EDA: variants seen among roughly 807,000 people sequenced by gnomAD.
EDA encodes ectodysplasin-A.
EDA carries 2 observed loss-of-function variants against 23.6 expected under a neutral mutation model. The observed-to-expected ratio is 0.08, with a 90% CI of 0.03 to 0.27. The LOEUF (loss-of-function observed/expected upper bound fraction) is 0.27, where lower values mean the gene tolerates loss of function less well. Among genes scored for constraint, EDA ranks in the 10% least tolerant of loss-of-function variants. EDA has a pLI of 1.00. For synonymous variants in EDA, 131 were observed against 132.0 expected, an observed-to-expected ratio of 0.99 and a Z score of 0.05; for missense variants, 229 against 324.2, an observed-to-expected ratio of 0.71 and a Z score of 2.26.
intron 1 of EDA, among the ~76,000 whole-genome samples, chrX:69,790,846 C>CTT (rs35288981): frequency 0.011 from 1,095 of 102,624 alleles, 8 homozygotes; most frequent in African/African-American, 9.9e-3. Flanking sequence ...TTCCTCATGG[C>CTT]TTTTTTTTTT....
chrX:69,833,490 T>A (rs2016677896), intron 1 of EDA, among the ~76,000 whole-genome samples: 1 of 97,656 alleles, frequency 1.0e-5, no homozygotes, highest in Admixed American at 1.1e-4. Flanking sequence ...GATATTGGTC[T>A]AAAATTCTCT....
chrX:69,736,010 G>GAA (rs11316346), intron 1 of EDA, among the ~76,000 whole-genome samples: 2 of 102,460 alleles, frequency 2.0e-5, no homozygotes, highest in Non-Finnish European at 4.0e-5. Flanking sequence ...ATCTGCAAGA[G>GAA]AAAAAAAAAA....
rs1156603526 is a variant in EDA, at chrX:69,947,472, C to T, written c.397-9555C>T. Among the ~76,000 whole-genome samples, 3 of 112,027 alleles carry T rather than the reference C, an allele frequency of 2.7e-5. No individual in the cohort carries two copies. In the Admixed American group the frequency reaches 2.8e-4, roughly 11 times the overall value. On this transcript the variant is annotated intron_variant, in intron 1 of 7. Transcript: ENST00000374552. ...TCTGCTGCTGTTTTCCCCAGCAGCC[C>T]ACAGCTATGTTAATGTTAGTTAGAG... is the stretch of plus-strand genomic sequence containing the variant.
chrX:69,796,060 C>T (rs1319146203), intron 1 of EDA, among the ~76,000 whole-genome samples: 2 of 111,992 alleles, frequency 1.8e-5, no homozygotes, highest in Admixed American at 9.4e-5. Context: ...TAGCACCTTC[C>T]ACCTGTGGGT....
chrX:69,682,421 T>C (rs1430160334), intron 1 of EDA, among the ~76,000 whole-genome samples: 1 of 112,221 alleles, frequency 8.9e-6, no homozygotes, highest in East Asian at 2.8e-4. Flanking sequence ...TCCCCCAGCC[T>C]CGCTGCCACC....
intron 1 of EDA, among the ~76,000 whole-genome samples, chrX:69,830,849 T>C (rs2016591892): frequency 1.8e-5 from 2 of 111,838 alleles, no homozygotes; most frequent in Admixed American, 1.9e-4. Context: ...TTTTTCTCAA[T>C]CTTTATTCTT....
intron 1 of EDA, among the ~76,000 whole-genome samples, chrX:69,883,496 G>A (rs1181520054): frequency 9.0e-6 from 1 of 111,465 alleles, no homozygotes; most frequent in Non-Finnish European, 1.9e-5. Flanking sequence ...TTGACCACGT[G>A]GGCAACAGGA....
chrX:69,733,774 T>C (rs761352006), intron 1 of EDA, among the ~76,000 whole-genome samples: 1 of 111,640 alleles, frequency 9.0e-6, no homozygotes, highest in Non-Finnish European at 1.9e-5. Context: ...CTCTTTTATT[T>C]CACTGAGCAG....
At chrX:69,731,451 C>CT (rs373408814) in intron 1 of EDA, among the ~76,000 whole-genome samples, 1,659 of 101,607 alleles carry the variant, frequency 0.016, 31 homozygotes, top group African/African-American at 0.056. Context: ...TTTTTTTTTT[C>CT]TTTTTTTTGA....
At chrX:69,703,073 G>A (rs1054200076) in intron 1 of EDA, among the ~76,000 whole-genome samples, 8 of 110,606 alleles carry the variant, frequency 7.2e-5, no homozygotes, top group Non-Finnish European at 1.1e-4. Flanking sequence ...TTGCATGGCC[G>A]TAGGGAGACG....
intron 1 of EDA, among the ~76,000 whole-genome samples, chrX:69,681,539 C>G (rs1353975304): frequency 9.0e-6 from 1 of 111,047 alleles, no homozygotes; most frequent in East Asian, 2.8e-4. Context: ...TCTTTTTTCT[C>G]TAAACTTCCC....
At chrX:69,736,244 G>T (rs905585610) in intron 1 of EDA, among the ~76,000 whole-genome samples, 3 of 110,967 alleles carry the variant, frequency 2.7e-5, no homozygotes, top group African/African-American at 9.8e-5. Flanking sequence ...GGCGGAGGTT[G>T]CAGTGAGCCG....
At chrX:69,877,806 T>C (rs929915441) in intron 1 of EDA, among the ~76,000 whole-genome samples, 1 of 112,827 alleles carries the variant, frequency 8.9e-6, no homozygotes, top group Non-Finnish European at 1.9e-5. Context: ...GGTATTACAT[T>C]TATATCTTTG....
chrX:69,655,125 G>A (rs1933260840), intron 1 of EDA, among the ~76,000 whole-genome samples: 1 of 112,051 alleles, frequency 8.9e-6, no homozygotes, highest in South Asian at 3.7e-4. Context: ...GCTGGGCGCG[G>A]TGGCTCACGC....
rs562336922 is a variant in EDA at position 69,877,901 on chromosome X, C to A, written c.397-79126C>A. 1.9e-4 allele frequency among the ~76,000 whole-genome samples: 21 copies of A among 112,396 alleles called. No individual in the cohort carries two copies. In the South Asian group the frequency reaches 7.7e-3, roughly 41 times the overall value. ...TGCATATAGATAACAGTTGTTCAAGCACCATTTGTTGAGACTATTCTTTCC... is the reference window on the plus strand; with the variant it reads ...TGCATATAGATAACAGTTGTTCAAGAACCATTTGTTGAGACTATTCTTTCC... On this transcript the variant is annotated intron_variant, in intron 1 of 7. Coordinates refer to ENST00000374552, the MANE Select transcript of EDA (RefSeq NM_001399.5).
intron 1 of EDA, among the ~76,000 whole-genome samples, chrX:69,812,218 C>T (rs1345005056): frequency 2.7e-5 from 3 of 111,979 alleles, no homozygotes; most frequent in Non-Finnish European, 5.6e-5. Context: ...CTTTTTGATG[C>T]TGTACTGAAA....
chrX:69,695,598 C>G (rs910690212), intron 1 of EDA, among the ~76,000 whole-genome samples: 1 of 105,284 alleles, frequency 9.5e-6, no homozygotes, highest in Non-Finnish European at 2.0e-5. Flanking sequence ...CAACCTCCAC[C>G]TCCCAGGTTC....
chrX:69,637,329 G>A (rs1932789007), intron 1 of EDA, among the ~76,000 whole-genome samples: 1 of 110,890 alleles, frequency 9.0e-6, no homozygotes, highest in Admixed American at 9.6e-5. Flanking sequence ...CTGGTGTGGA[G>A]TCAAAAAAAA....
chrX:69,955,590 T>A (rs1468229153), intron 1 of EDA, among the ~76,000 whole-genome samples: 1 of 111,713 alleles, frequency 9.0e-6, no homozygotes, highest in Admixed American at 9.5e-5. Context: ...TTTGAACTGA[T>A]AATAGAATGA....
Sources: allele counts gnomAD v4.1 joint callset (sites outside exome capture counted in the v4.1 genomes callset), GRCh38; gene constraint gnomAD v4.1.1; transcripts MANE v1.5; gene names NCBI Gene and HGNC (gene_info 2026-07-23, HGNC 2026-07-21).